DISC1: variants seen among roughly 807,000 people sequenced by gnomAD.
DISC1 encodes disrupted in schizophrenia 1 protein.
Under a neutral mutation model 84.5 loss-of-function variants are expected in DISC1, and 57 were observed. The ratio of observed to expected loss-of-function variants is 0.67; its 90% confidence interval spans 0.55 to 0.84. The LOEUF (loss-of-function observed/expected upper bound fraction) is 0.84, where lower values mean the gene tolerates loss of function less well. DISC1 is among the 40% of genes least tolerant of loss of function. The pLI, the probability that DISC1 is intolerant of heterozygous loss-of-function variation, is 0.00. For missense variants in DISC1, 1,000 were observed against 1,057.8 expected, an observed-to-expected ratio of 0.95 and a Z score of 0.76; for synonymous variants, 411 against 415.2, an observed-to-expected ratio of 0.99 and a Z score of 0.12.
At chr1:232,035,692 C>T (rs79615281) in intron 12 of DISC1, among the ~76,000 whole-genome samples, 4,864 of 152,188 alleles carry the variant, frequency 0.032, 239 homozygotes, top group African/African-American at 0.1. Flanking sequence ...CTACTTTCTC[C>T]CTTGGTCCCT....
At chr1:231,840,848 G>A (rs2082998208) in intron 9 of DISC1, among the ~76,000 whole-genome samples, 1 of 152,128 alleles carries the variant, frequency 6.6e-6, no homozygotes, top group Non-Finnish European at 1.5e-5. Flanking sequence ...TATCCTGTTT[G>A]TGGTGATGGT....
rs777459622 is a variant in DISC1 at position 232,037,020 on chromosome 1, T to A, written c.*189T>A. On this transcript the variant is annotated 3_prime_UTR_variant, in exon 13 of 13. Transcript: ENST00000439617. ...ACTGAGGAGTCTGCAATTTGGAATATGGAGAGAGAGACTGATTTGCTGAAT... is the reference window on the plus strand; with the variant it reads ...ACTGAGGAGTCTGCAATTTGGAATAAGGAGAGAGAGACTGATTTGCTGAAT... 509 of 506,096 alleles carry A rather than the reference T, an allele frequency of 1.0e-3. 3 individuals are homozygous for A. The highest frequency in any genetic ancestry group is 1.5e-4 in the Non-Finnish European group (46 of 316,314). 31.4% of individuals were successfully genotyped at this position (506,096 alleles called of 1,614,324 possible).
At chr1:231,723,966 G>T (rs1210574118) in intron 3 of DISC1, 3 of 985,334 alleles carry the variant, frequency 3.0e-6, no homozygotes, top group Non-Finnish European at 3.6e-6. Context: ...ACTCCAGGAA[G>T]GAAACTCACC....
At chr1:231,889,620 T>A (rs2087053150) in intron 9 of DISC1, among the ~76,000 whole-genome samples, 2 of 152,066 alleles carry the variant, frequency 1.3e-5, no homozygotes, top group South Asian at 4.2e-4. Context: ...CCCTGAGAGG[T>A]GAAGGGGCCT....
intron 9 of DISC1, among the ~76,000 whole-genome samples, chr1:231,937,854 C>CT (rs71722884): frequency 0.22 from 32,237 of 147,472 alleles, 4,149 homozygotes; most frequent in East Asian, 0.68. Flanking sequence ...CACAACTAAT[C>CT]TTTTTTTTTT....
At position 231,897,219 on chromosome 1, in the gene DISC1, A is replaced by G. The variant is rs1024009371; in HGVS notation, c.1982-61609A>G. Among the ~76,000 whole-genome samples the G allele has an allele frequency of 3.3e-5, 5 of 152,222 alleles. No homozygotes were observed. Among genetic ancestry groups the G allele is most frequent in the African/African-American group, 7.2e-5 (3 of 41,454 alleles). On this transcript the variant is annotated intron_variant, in intron 9 of 12. Coordinates refer to ENST00000439617, the MANE Select transcript of DISC1 (RefSeq NM_018662.3). This position sits in a 1 kb window ranked among gnomAD's most constrained non-coding sequence, Gnocchi z 4.5. The stretch of plus-strand genomic sequence containing the variant: ...GCTGAGCACTTGAAACAGAGGGAGG[A>G]CATATTGCAGCCAAACCTCGGTGAA...
chr1:231,814,906 C>T (rs1055121374), intron 8 of DISC1: 5 of 150,616 alleles, frequency 3.3e-5, no homozygotes, highest in Non-Finnish European at 7.4e-5. Context: ...GATTGTAGGA[C>T]ACATCCCTGT....
intron 3 of DISC1, chr1:231,722,531 C>A: frequency 1.2e-6 from 2 of 1,614,190 alleles, no homozygotes; most frequent in Non-Finnish European, 1.7e-6. Context: ...TCATTTTCTT[C>A]TTGGCAGCTG....
intron 4 of DISC1, among the ~76,000 whole-genome samples, chr1:231,766,262 C>T (rs1372871910): frequency 2.8e-5 from 4 of 140,664 alleles, no homozygotes; most frequent in Non-Finnish European, 6.0e-5. Context: ...TGCTTTCCAG[C>T]CTGGGTGTCG....
chr1:231,764,661 GT>G (rs1453022046), intron 4 of DISC1, among the ~76,000 whole-genome samples: 1 of 152,102 alleles, frequency 6.6e-6, no homozygotes, highest in African/African-American at 2.4e-5. Context: ...AGTATTTTCA[GT>G]CTTGGGCTAC....
At chr1:231,876,031 C>T (rs913604894) in intron 9 of DISC1, among the ~76,000 whole-genome samples, 7 of 152,050 alleles carry the variant, frequency 4.6e-5, no homozygotes, top group African/African-American at 1.7e-4. Flanking sequence ...GCCCGAGAGC[C>T]CCAAAATACA....
At chr1:232,033,754 G>A (rs1414652874) in intron 12 of DISC1, among the ~76,000 whole-genome samples, 8 of 152,200 alleles carry the variant, frequency 5.3e-5, no homozygotes, top group Non-Finnish European at 5.9e-5. Context: ...TGCTTAACAG[G>A]GAAATGTTTC....
chr1:231,716,316 C>CAAA lies in DISC1; in HGVS notation c.1117+14314_1117+14316dup, dbSNP rs397861600. ...ACATAGCCTGATTTCTTTCAATCTG[C>CAAA]AAAAAAAAAAAAAAAAAAAAAAAAT... is the stretch of plus-strand genomic sequence containing the variant. On this transcript the variant is annotated intron_variant, in intron 3 of 12. Transcript: ENST00000439617. Among the ~76,000 whole-genome samples, 95 of 82,578 alleles carry CAAA rather than the reference C, an allele frequency of 1.2e-3. 1 individual carries two copies. Among genetic ancestry groups the CAAA allele is most frequent in the African/African-American group, 3.1e-3 (66 of 21,608 alleles). The allele number at this position is 82,578 out of a possible 152,430, so 54.2% of individuals were successfully genotyped here.
chr1:231,999,195 T>C (rs1436888177), intron 10 of DISC1, among the ~76,000 whole-genome samples: 2 of 152,182 alleles, frequency 1.3e-5, no homozygotes, highest in African/African-American at 2.4e-5. Flanking sequence ...GGACCATTTC[T>C]CTCTGCTTCT....
chr1:231,641,160 A>G (rs1234400113), intron 1 of DISC1, among the ~76,000 whole-genome samples: 8 of 152,196 alleles, frequency 5.3e-5, no homozygotes, highest in Non-Finnish European at 1.2e-4. Flanking sequence ...GTAGGATGCT[A>G]TCTTGGGCTC....
intron 8 of DISC1, among the ~76,000 whole-genome samples, chr1:231,803,552 G>A (rs893137873): frequency 2.6e-5 from 4 of 152,068 alleles, no homozygotes; most frequent in Admixed American, 6.6e-5. Context: ...GTTAACAGAC[G>A]GCTTCAGTTC....
chr1:231,944,515 C>T (rs908291653), intron 9 of DISC1, among the ~76,000 whole-genome samples: 9 of 152,146 alleles, frequency 5.9e-5, no homozygotes, highest in Admixed American at 1.3e-4. Context: ...TTTGCAGCTC[C>T]GTGCAATCCT....
chr1:231,643,927 C>G (rs2059928154), intron 1 of DISC1, among the ~76,000 whole-genome samples: 1 of 152,158 alleles, frequency 6.6e-6, no homozygotes, highest in Non-Finnish European at 1.5e-5. Context: ...CCACCTTTTT[C>G]TAATTTACCC....
At chr1:231,749,291 A>T (rs1399946690) in intron 3 of DISC1, among the ~76,000 whole-genome samples, 1 of 152,172 alleles carries the variant, frequency 6.6e-6, no homozygotes, top group East Asian at 1.9e-4. Context: ...TGCTGACAGC[A>T]CTCTTCCAAA....
Sources: gnomAD v4.1 joint callset for allele counts (sites outside exome capture counted in the v4.1 genomes callset) on GRCh38, gnomAD v4.1.1 for gene constraint, Gnocchi (gnomAD v3.1) non-coding constraint, MANE v1.5 for transcripts, NCBI Gene and HGNC (gene_info 2026-07-23, HGNC 2026-07-21) for gene names.